Variants in ASIC2 observed in about 807,000 individuals in gnomAD.
The protein encoded by ASIC2 is acid sensing ion channel subunit 2.
ASIC2 carries 25 observed loss-of-function variants against 57.3 expected under a neutral mutation model. The observed-to-expected ratio is 0.44, with a 90% CI of 0.32 to 0.61. The LOEUF (loss-of-function observed/expected upper bound fraction) is 0.61. ASIC2 is among the 20% of genes least tolerant of loss of function. The pLI is 0.06. For synonymous variants in ASIC2, 319 were observed against 307.5 expected (o/e 1.04, Z -0.39); for missense variants, 641 against 738.1 (o/e 0.87, Z 1.52).
chr17:33,825,334 C>T (rs1446165656), intron 1 of ASIC2, among the ~76,000 whole-genome samples: 1 of 152,092 alleles, frequency 6.6e-6, no homozygotes, highest in Non-Finnish European at 1.5e-5. Context: ...CGGTGGGGTG[C>T]TACCTAAAAA....
At chr17:33,486,135 C>A (rs1913568136) in intron 1 of ASIC2, among the ~76,000 whole-genome samples, 1 of 152,224 alleles carries the variant, frequency 6.6e-6, no homozygotes. Flanking sequence ...CGTCTCTCAT[C>A]ATCTTTGCCC....
At position 33,013,537 on chromosome 17, in the gene ASIC2, C is replaced by G. The variant is rs1450509916; in HGVS notation, c.*428G>C. ...TGGGTTCCCTCTTGATTGTGCAGTT[C>G]TGATTCCAGGGTGGCCTCATGGTGA... is the stretch of plus-strand genomic sequence containing the variant. On this transcript the variant is annotated 3_prime_UTR_variant, in exon 10 of 10. Transcript: ENST00000225823. The G allele has an allele frequency of 5.1e-6, 1 of 195,198 alleles. No individual in the cohort carries two copies. Among genetic ancestry groups the G allele is most frequent in the Non-Finnish European group, 1.1e-5 (1 of 92,660 alleles). 12.1% of individuals were successfully genotyped at this position (195,198 alleles called of 1,614,324 possible).
At position 34,131,537 on chromosome 17, in the gene ASIC2, G is replaced by A. The variant is rs551385323; in HGVS notation, c.555+24441C>T. On this transcript the variant is annotated intron_variant, in intron 1 of 9. Transcript: ENST00000359872. ...CCAGGGCTGAGCTGTCACCCTCCAG[G>A]ACCTGAGCAAAGCCAGCCCTGACTT... Among the ~76,000 whole-genome samples, 170 of 152,236 alleles carry A rather than the reference G, an allele frequency of 1.1e-3. 1 individual carries two copies. The highest frequency in any genetic ancestry group is 3.9e-3 in the African/African-American group (163 of 41,556).
chr17:33,545,423 A>C (rs966235096), intron 1 of ASIC2, among the ~76,000 whole-genome samples: 2 of 152,142 alleles, frequency 1.3e-5, no homozygotes, highest in African/African-American at 4.8e-5. Flanking sequence ...AATTGAAAAA[A>C]ATTGTGCATC....
At chr17:33,039,199 A>C (rs770407145) in intron 3 of ASIC2, among the ~76,000 whole-genome samples, 2 of 150,444 alleles carry the variant, frequency 1.3e-5, no homozygotes, top group Non-Finnish European at 2.9e-5. Flanking sequence ...TGCCACAGGG[A>C]TAGGACACGG....
chr17:34,065,329 G>A (rs1219256362), intron 1 of ASIC2, among the ~76,000 whole-genome samples: 1 of 152,080 alleles, frequency 6.6e-6, no homozygotes, highest in Non-Finnish European at 1.5e-5. Flanking sequence ...TAAGCTATGA[G>A]GATGCAACGG....
chr17:33,811,625 A>G (rs928123736), intron 1 of ASIC2, among the ~76,000 whole-genome samples: 2 of 152,212 alleles, frequency 1.3e-5, no homozygotes, highest in Admixed American at 6.5e-5. Context: ...TAGGTCTTGG[A>G]ATTCTCAACC....
rs114448930 is a variant in ASIC2 at position 33,571,673 on chromosome 17, A to G, written c.556-459606T>C. On this transcript the variant is annotated intron_variant, in intron 1 of 9. Coordinates refer to the ASIC2 transcript ENST00000359872. Reference sequence around the variant, plus strand: ...ATAAATGTTTACAAGAGTCTTCTATATGCCCTGAGAGTGCTCTGCTCCTTG... The same window carrying G: ...ATAAATGTTTACAAGAGTCTTCTATGTGCCCTGAGAGTGCTCTGCTCCTTG... 2.9e-3 allele frequency among the ~76,000 whole-genome samples: 443 copies of G among 152,364 alleles called. 2 individuals are homozygous for G. Among genetic ancestry groups the G allele is most frequent in the African/African-American group, 0.01 (425 of 41,580 alleles).
At chr17:33,538,642 A>T (rs1915312978) in intron 1 of ASIC2, among the ~76,000 whole-genome samples, 1 of 152,176 alleles carries the variant, frequency 6.6e-6, no homozygotes, top group Non-Finnish European at 1.5e-5. Flanking sequence ...GCTTTTCCAA[A>T]GGGGCATCAG....
rs575083962 is a variant in ASIC2 at position 34,039,511 on chromosome 17, G to A, written c.555+116467C>T. 2.0e-5 allele frequency: 33 copies of A among 1,613,828 alleles called. No homozygotes were observed. In the East Asian group the frequency reaches 2.7e-4, roughly 13 times the overall value. On this transcript the variant is annotated intron_variant, in intron 1 of 9. Transcript: ENST00000359872. The stretch of plus-strand genomic sequence containing the variant: ...ATAGAGGGGCTGTTCTACTCGTCGC[G>A]GTAAGGGATTGGATAAGGAATGTTG...
At chr17:33,280,678 G>T (rs1183465188) in intron 1 of ASIC2, among the ~76,000 whole-genome samples, 1 of 152,232 alleles carries the variant, frequency 6.6e-6, no homozygotes, top group Non-Finnish European at 1.5e-5. Context: ...GGAGCGTAAA[G>T]AGATAGTGTA....
intron 1 of ASIC2, among the ~76,000 whole-genome samples, chr17:33,285,205 G>A (rs1905098071): frequency 1.3e-5 from 2 of 152,186 alleles, no homozygotes; most frequent in Non-Finnish European, 2.9e-5. Flanking sequence ...CCCCAAAATA[G>A]CCACTATCAG....
intron 1 of ASIC2, among the ~76,000 whole-genome samples, chr17:33,482,936 C>G (rs1026423898): frequency 6.6e-6 from 1 of 152,234 alleles, no homozygotes; most frequent in African/African-American, 2.4e-5. Flanking sequence ...TTCCTTGACT[C>G]CATTTCCCCA....
At chr17:33,974,359 T>G (rs1905308885) in intron 1 of ASIC2, among the ~76,000 whole-genome samples, 1 of 152,174 alleles carries the variant, frequency 6.6e-6, no homozygotes, top group Non-Finnish European at 1.5e-5. Flanking sequence ...CAGCAGCCAT[T>G]GTGCTTATGT....
chr17:33,170,146 TG>T (rs1346611702), intron 1 of ASIC2, among the ~76,000 whole-genome samples: 1 of 152,232 alleles, frequency 6.6e-6, no homozygotes, highest in African/African-American at 2.4e-5. Flanking sequence ...GCCATCCTTT[TG>T]GTAAATTTTT....
chr17:33,604,441 C>T (rs569504564), intron 1 of ASIC2, among the ~76,000 whole-genome samples: 14 of 152,226 alleles, frequency 9.2e-5, no homozygotes, highest in African/African-American at 2.2e-4. Flanking sequence ...TGAGGGTTTC[C>T]GCTGGAAACT....
chr17:33,202,416 G>A (rs1226250018), intron 1 of ASIC2, among the ~76,000 whole-genome samples: 3 of 152,184 alleles, frequency 2.0e-5, no homozygotes, highest in Non-Finnish European at 2.9e-5. Context: ...AGAGCAGGAA[G>A]ATATTAAGTG....
chr17:34,105,035 T>A (rs1425234009), intron 1 of ASIC2, among the ~76,000 whole-genome samples: 1 of 152,054 alleles, frequency 6.6e-6, no homozygotes, highest in Non-Finnish European at 1.5e-5. Context: ...TCCCTGAATG[T>A]TTGCTAGAAT....
intron 1 of ASIC2, among the ~76,000 whole-genome samples, chr17:33,278,881 G>A (rs372969821): frequency 6.6e-6 from 1 of 152,126 alleles, no homozygotes; most frequent in Non-Finnish European, 1.5e-5. Flanking sequence ...GCCAGACATG[G>A]CCCTTGCCCT....
Sources: gnomAD v4.1 joint callset for allele counts (sites outside exome capture counted in the v4.1 genomes callset) on GRCh38, gnomAD v4.1.1 for gene constraint, MANE v1.5 for transcripts, NCBI Gene and HGNC (gene_info 2026-07-23, HGNC 2026-07-21) for gene names.